Variants in AGO3 observed in about 807,000 individuals in gnomAD.
The protein encoded by AGO3 is protein argonaute-3.
A neutral mutation model predicts 105.5 loss-of-function variants in AGO3; 16 were observed. That is an observed-to-expected ratio of 0.15 (90% confidence interval 0.10 to 0.23). AGO3 has a LOEUF of 0.23. AGO3 is among the 10% of genes least tolerant of loss of function. AGO3 has a pLI of 1.00. For missense variants in AGO3, 534 were observed against 1,088.0 expected, an observed-to-expected ratio of 0.49 and a Z score of 7.16; for synonymous variants, 340 against 367.3, an observed-to-expected ratio of 0.93 and a Z score of 0.85.
chr1:35,946,752 CA>C (rs1460075701), intron 2 of AGO3, among the ~76,000 whole-genome samples: 2 of 152,138 alleles, frequency 1.3e-5, no homozygotes, highest in Non-Finnish European at 2.9e-5. Flanking sequence ...AGTGAATGAG[CA>C]CTAAAAGACT....
chr1:36,012,783 G>T (rs998888452), intron 9 of AGO3, among the ~76,000 whole-genome samples: 2 of 151,868 alleles, frequency 1.3e-5, no homozygotes, highest in African/African-American at 2.4e-5. Flanking sequence ...AACATTTTCA[G>T]CTGGGTAGTA....
intron 12 of AGO3, among the ~76,000 whole-genome samples, chr1:36,028,735 A>T (rs1391024337): frequency 2.6e-5 from 4 of 152,016 alleles, no homozygotes; most frequent in African/African-American, 4.8e-5. Context: ...TAGCAGCATG[A>T]TTTATAGTCC....
At chr1:35,964,805 T>C (rs1364539756) in intron 2 of AGO3, among the ~76,000 whole-genome samples, 1 of 152,178 alleles carries the variant, frequency 6.6e-6, no homozygotes, top group Non-Finnish European at 1.5e-5. Context: ...TTTGACTTTT[T>C]AATAGTAGCC....
At chr1:36,023,693 A>G (rs1641353925) in intron 11 of AGO3, among the ~76,000 whole-genome samples, 1 of 152,248 alleles carries the variant, frequency 6.6e-6, no homozygotes, top group Non-Finnish European at 1.5e-5. Flanking sequence ...ACCATTCACT[A>G]TGTACAGAGA....
chr1:35,983,670 C>T (rs1352958951), intron 5 of AGO3, among the ~76,000 whole-genome samples: 3 of 152,168 alleles, frequency 2.0e-5, no homozygotes, highest in African/African-American at 7.2e-5. Context: ...AAACAACTTT[C>T]AGGTACAGTG....
At chr1:36,041,533 G>A (rs749977530) in intron 16 of AGO3, among the ~76,000 whole-genome samples, 3 of 151,970 alleles carry the variant, frequency 2.0e-5, no homozygotes, top group Non-Finnish European at 2.9e-5. Context: ...GAGCCACTGC[G>A]CCCGGCCAGA....
At chr1:36,052,273 G>A (rs1296679865) in intron 17 of AGO3, among the ~76,000 whole-genome samples, 1 of 152,176 alleles carries the variant, frequency 6.6e-6, no homozygotes, top group East Asian at 1.9e-4. Flanking sequence ...ACATGGATGA[G>A]TCTGGAGGAC....
chr1:36,048,838 C>T (rs971005180), intron 17 of AGO3, among the ~76,000 whole-genome samples: 3 of 152,084 alleles, frequency 2.0e-5, no homozygotes, highest in African/African-American at 7.2e-5. Flanking sequence ...TACAGGCATG[C>T]ATCACCACAC....
intron 5 of AGO3, among the ~76,000 whole-genome samples, chr1:35,988,454 C>T (rs1443481021): frequency 6.6e-6 from 1 of 152,138 alleles, no homozygotes; most frequent in Non-Finnish European, 1.5e-5. Context: ...CAGCCCTCAG[C>T]CCTGGGTAAC....
chr1:35,952,017 C>T (rs1646478106), intron 2 of AGO3, among the ~76,000 whole-genome samples: 1 of 152,162 alleles, frequency 6.6e-6, no homozygotes, highest in South Asian at 2.1e-4. Flanking sequence ...AAACCCCATA[C>T]TCATTAGCAG....
At chr1:35,948,483 C>T (rs1439142760) in intron 2 of AGO3, among the ~76,000 whole-genome samples, 3 of 149,720 alleles carry the variant, frequency 2.0e-5, no homozygotes, top group Admixed American at 6.7e-5. Flanking sequence ...ACCCCACCGC[C>T]GGCCTCCCAA....
In AGO3 at chr1:36,066,173, A is replaced by T. The variant is rs1397976657; in HGVS notation, c.*10428A>T. The T allele has an allele frequency of 6.6e-6, 1 of 152,204 alleles. No homozygotes were observed. Among genetic ancestry groups the T allele is most frequent in the Non-Finnish European group, 1.5e-5 (1 of 68,058 alleles). The allele number at this position is 152,204 out of a possible 1,614,324, so 9.4% of individuals were successfully genotyped here. ...CTTTTTAAATTTTATTCTTTCCAAA[A>T]ATTGGCGGTATGCTATCTATAATTT... On this transcript the variant is annotated 3_prime_UTR_variant, in exon 19 of 19. Transcript: ENST00000373191.
intron 1 of AGO3, among the ~76,000 whole-genome samples, chr1:35,945,153 T>C (rs1646338019): frequency 6.6e-6 from 1 of 152,182 alleles, no homozygotes; most frequent in African/African-American, 2.4e-5. Context: ...ATTGATTCTG[T>C]ACTTTCTTGA....
intron 2 of AGO3, among the ~76,000 whole-genome samples, chr1:35,953,765 C>A (rs1318162104): frequency 5.3e-5 from 8 of 152,084 alleles, no homozygotes; most frequent in Non-Finnish European, 1.2e-4. Context: ...ACCCGCCTCA[C>A]CCTTCCAAAG....
intron 1 of AGO3, among the ~76,000 whole-genome samples, chr1:35,938,344 C>T (rs1161543026): frequency 6.6e-6 from 1 of 152,116 alleles, no homozygotes; most frequent in African/African-American, 2.4e-5. Context: ...CTTTAAAAAA[C>T]AAACGATATA....
rs1307275798 is a variant in AGO3 at position 35,995,208 on chromosome 1, AAATAT to A, written c.659-9131_659-9127del. ...AGAGCAAGACACTGTCTAAAAAAAA[AAATAT>A]ATATATATATATATATATATATATT... is the stretch of plus-strand genomic sequence containing the variant. On this transcript the variant is annotated intron_variant, in intron 5 of 18. Coordinates refer to ENST00000373191, the MANE Select transcript of AGO3 (RefSeq NM_024852.4). Among the ~76,000 whole-genome samples, 376 of 120,010 alleles carry A rather than the reference AAATAT, an allele frequency of 3.1e-3. 6 individuals are homozygous for A. Among genetic ancestry groups the A allele is most frequent in the African/African-American group, 9.5e-3 (253 of 26,730 alleles). The allele number at this position is 120,010 out of a possible 152,430, so 78.7% of individuals were successfully genotyped here.
chr1:35,948,692 A>G (rs573663778), intron 2 of AGO3, among the ~76,000 whole-genome samples: 12 of 152,166 alleles, frequency 7.9e-5, no homozygotes, highest in Non-Finnish European at 1.8e-4. Context: ...TATATGCTCA[A>G]TGTATTAAGT....
chr1:35,995,068 G>A (rs965526248), intron 5 of AGO3, among the ~76,000 whole-genome samples: 3 of 151,714 alleles, frequency 2.0e-5, no homozygotes, highest in African/African-American at 4.8e-5. Context: ...GGGCATGGTG[G>A]CGTGTGCCTG....
rs769913115 is a variant in AGO3, at chr1:36,039,923, G to A, written c.1976G>A (p.Arg659Gln). ...CTTATTCAATTTTATAAGTCAACTCGGTTCAAGCCTACTCGTATCATCTTT... is the reference window on the plus strand; with the variant it reads ...CTTATTCAATTTTATAAGTCAACTCAGTTCAAGCCTACTCGTATCATCTTT... ...ELLIQFYKST[R>Q]FKPTRIIFYR... The change falls in exon 15 of 19, where the codon CGG becomes CAG. Residue 659 changes from arginine (R) to glutamine (Q), a missense_variant. By Grantham distance (43) the Arg-to-Gln change is conservative. Coordinates refer to ENST00000373191, the MANE Select transcript of AGO3 (RefSeq NM_024852.4). The A allele has an allele frequency of 4.3e-6, 7 of 1,613,930 alleles. No homozygotes were observed. The highest frequency in any genetic ancestry group is 2.2e-5 in the South Asian group (2 of 91,064).
Sources: allele counts gnomAD v4.1 joint callset (sites outside exome capture counted in the v4.1 genomes callset), GRCh38; gene constraint gnomAD v4.1.1; transcripts MANE v1.5; gene names NCBI Gene and HGNC (gene_info 2026-07-23, HGNC 2026-07-21).